Variants in TTC6 observed in about 807,000 individuals in gnomAD.
TTC6 encodes tetratricopeptide repeat domain 6, also known as tetratricopeptide repeat protein 6.
Under a neutral mutation model 210.4 loss-of-function variants are expected in TTC6, and 172 were observed. The observed-to-expected ratio is 0.82, with a 90% CI of 0.72 to 0.93. The LOEUF is 0.93. TTC6 is among the 40% of genes least tolerant of loss of function. The pLI, the probability that TTC6 is intolerant of heterozygous loss-of-function variation, is 0.00. For missense variants in TTC6, 2,414 were observed against 2,318.1 expected (o/e 1.04, Z -0.85); for synonymous variants, 804 against 819.6 (o/e 0.98, Z 0.32).
chr14:37,741,279 T>C (rs2095918614), intron 10 of TTC6, among the ~76,000 whole-genome samples: 2 of 5,866 alleles, frequency 3.4e-4, no homozygotes, highest in African/African-American at 3.9e-4. Context: ...CCCACTTTTT[T>C]TTTTTTTTTT....
chr14:37,738,521 T>G (rs1408064404), intron 9 of TTC6, among the ~76,000 whole-genome samples: 2 of 152,204 alleles, frequency 1.3e-5, no homozygotes, highest in South Asian at 2.1e-4. Flanking sequence ...ATAATACATA[T>G]CTAATTTATA....
chr14:37,649,496 C>G (rs2095707408), intron 1 of TTC6, among the ~76,000 whole-genome samples: 2 of 152,194 alleles, frequency 1.3e-5, no homozygotes, highest in Non-Finnish European at 2.9e-5. Context: ...TAACTGCAGA[C>G]AAAGGAAATG....
rs1332850921 is a variant in TTC6 at position 37,770,709 on chromosome 14, G to C, written c.3267-16759G>C. Among the ~76,000 whole-genome samples the C allele has an allele frequency of 2.5e-3, 368 of 149,312 alleles. 1 individual carries two copies. Among genetic ancestry groups the C allele is most frequent in the African/African-American group, 8.4e-3 (343 of 40,736 alleles). ...AGCCTATGTGTGTCTCTGCACGTGAGATGGGTTTCCTGAATACAGCACACT... is the reference window on the plus strand; with the variant it reads ...AGCCTATGTGTGTCTCTGCACGTGACATGGGTTTCCTGAATACAGCACACT... On this transcript the variant is annotated intron_variant, in intron 14 of 30. Coordinates refer to ENST00000553443, the Ensembl canonical transcript of TTC6.
chr14:37,709,218 T>C (rs973176906), intron 5 of TTC6, among the ~76,000 whole-genome samples: 2 of 152,002 alleles, frequency 1.3e-5, no homozygotes, highest in Non-Finnish European at 2.9e-5. Flanking sequence ...ACTGTGTGAG[T>C]TGGTGATACA....
At chr14:37,827,518 A>T in intron 29 of TTC6, 152 bp downstream of exon 31, 1 of 750,542 alleles carries the variant, frequency 1.3e-6, no homozygotes, top group Admixed American at 3.0e-5. Flanking sequence ...AAGAATGTTT[A>T]TAATTTATCC....
chr14:37,756,337 T>C (rs954676464), intron 14 of TTC6, among the ~76,000 whole-genome samples: 3 of 152,244 alleles, frequency 2.0e-5, no homozygotes, highest in African/African-American at 7.2e-5. Context: ...GAATATGCTT[T>C]ATTCCTTTCT....
rs527723262 is a variant in TTC6 at position 37,804,617 on chromosome 14, A to G, written c.4030-63A>G. 2.2e-5 allele frequency: 34 copies of G among 1,569,930 alleles called. No homozygotes were observed. In the African/African-American group the frequency reaches 4.2e-4, roughly 19 times the overall value. The stretch of plus-strand genomic sequence containing the variant: ...TGCTCCTTTTAACATATAAGGCTGT[A>G]ACGTTAAATCAATAGTGGAAAGAAA... On this transcript the variant is annotated intron_variant, in intron 20 of 30. Transcript: ENST00000553443.
At chr14:37,817,026 G>T (rs1790707841) in intron 25 of TTC6, among the ~76,000 whole-genome samples, 1 of 152,066 alleles carries the variant, frequency 6.6e-6, no homozygotes, top group Non-Finnish European at 1.5e-5. Flanking sequence ...TTTCTCCCTT[G>T]CAGGAGAGCT....
chr14:37,842,190 A>G, exon 31 of TTC6: 1 of 1,607,710 alleles, frequency 6.2e-7, no homozygotes, highest in Non-Finnish European at 8.5e-7. Context: ...TCTAGTATAT[A>G]ATTTTAGAGC....
exon 1 of TTC6, chr14:37,622,421 C>G (rs1473959275): frequency 6.5e-7 from 1 of 1,534,756 alleles, no homozygotes; most frequent in Non-Finnish European, 8.7e-7. Context: ...GCCCCCGGGA[C>G]TTTTACTTGC....
At chr14:37,660,715 G>T (rs1239935762) in intron 1 of TTC6, among the ~76,000 whole-genome samples, 1 of 152,172 alleles carries the variant, frequency 6.6e-6, no homozygotes, top group African/African-American at 2.4e-5. Context: ...CTCATAGTGG[G>T]ATTGCTGGGT....
intron 1 of TTC6, among the ~76,000 whole-genome samples, chr14:37,657,003 C>T (rs908080183): frequency 2.0e-5 from 3 of 151,804 alleles, no homozygotes; most frequent in African/African-American, 7.3e-5. Context: ...TGAGGTCAGG[C>T]GTTCTAGACC....
intron 14 of TTC6, among the ~76,000 whole-genome samples, chr14:37,761,893 T>G (rs567593091): frequency 2.0e-5 from 3 of 152,324 alleles, no homozygotes; most frequent in African/African-American, 7.2e-5. Flanking sequence ...GAATTGAGCT[T>G]ATTAACATAT....
chr14:37,737,802 TA>T (rs1327458890), intron 9 of TTC6, 68 bp downstream of exon 11: 11 of 728,784 alleles, frequency 1.5e-5, no homozygotes, highest in Middle Eastern at 2.5e-4. Context: ...ATAATCACCT[TA>T]TTTTTTTTTA....
At chr14:37,691,483 T>G (rs1423122386) in intron 3 of TTC6, among the ~76,000 whole-genome samples, 1 of 152,022 alleles carries the variant, frequency 6.6e-6, no homozygotes, top group Non-Finnish European at 1.5e-5. Context: ...AATTGAAAAA[T>G]TTTTTTGAAA....
At chr14:37,729,530 A>G (rs2095880665) in intron 7 of TTC6, among the ~76,000 whole-genome samples, 1 of 152,198 alleles carries the variant, frequency 6.6e-6, no homozygotes. Flanking sequence ...GAGCAGATGC[A>G]TTCCTGCTTG....
intron 1 of TTC6, among the ~76,000 whole-genome samples, chr14:37,676,324 G>GT (rs983941742): frequency 6.1e-4 from 92 of 151,890 alleles, no homozygotes; most frequent in Non-Finnish European, 9.4e-4. Flanking sequence ...TCTTTCTGTT[G>GT]TTTTTTTCTA....
chr14:37,770,840 G>T (rs566838730), intron 14 of TTC6, among the ~76,000 whole-genome samples: 171 of 149,714 alleles, frequency 1.1e-3, no homozygotes, highest in African/African-American at 3.4e-3. Flanking sequence ...ATTTGATCCT[G>T]TCATTATGAT....
chr14:37,770,955 C>T (rs1230944352), intron 14 of TTC6, among the ~76,000 whole-genome samples: 1 of 133,136 alleles, frequency 7.5e-6, no homozygotes, highest in Non-Finnish European at 1.6e-5. Context: ...TTGTTCCTTT[C>T]CATGTTTAGT....
Sources: gnomAD v4.1 joint callset for allele counts (sites outside exome capture counted in the v4.1 genomes callset) on GRCh38, gnomAD v4.1.1 for gene constraint, MANE v1.5 for transcripts, NCBI Gene and HGNC (gene_info 2026-07-23, HGNC 2026-07-21) for gene names.